The following KCP variants were observed in gnomAD, a reference collection of about 807,000 sequenced individuals.
KCP encodes kielin cysteine rich BMP regulator, also known as kielin/chordin-like protein.
Under a neutral mutation model 212.7 loss-of-function variants are expected in KCP, and 194 were observed. The ratio of observed to expected loss-of-function variants is 0.91; its 90% confidence interval spans 0.81 to 1.03. The LOEUF (loss-of-function observed/expected upper bound fraction) is 1.03. Among genes scored for constraint, KCP ranks in the 50% least tolerant of loss-of-function variants. The probability of loss-of-function intolerance (pLI) is 0.00; values close to 1 mark genes in which losing one functional copy is unlikely to be tolerated. For missense variants in KCP, 2,080 were observed against 2,162.5 expected (o/e 0.96, Z 0.76); for synonymous variants, 833 against 865.3 (o/e 0.96, Z 0.65).
Position 128,904,059 on chromosome 7 carries a change from G to T in KCP, c.651C>A (p.Cys217Ter). Residue 217 changes from cysteine to a stop codon, truncating the protein, a stop_gained, in exon 6 of 40, where the codon TGC (cysteine) becomes TGA (stop). Transcript: ENST00000610776. LOFTEE classifies it high-confidence loss of function. ...SSSNPCLQCT[C>*]LRSRVRCMAL... ...CAGAGGGGACAGGTGGACTCACCAG[G>T]CAGGTGCACTGTAGACAAGGGTTGG... The T allele has an allele frequency of 6.4e-7, 1 of 1,551,502 alleles. No individual in the cohort carries two copies. Among genetic ancestry groups the T allele is most frequent in the Non-Finnish European group, 8.7e-7 (1 of 1,146,798 alleles).
chr7:128,883,145 C>CT (rs550292146), intron 29 of KCP, among the ~76,000 whole-genome samples: 11,247 of 143,330 alleles, frequency 0.078, 506 homozygotes, highest in Middle Eastern at 0.094. Flanking sequence ...TTTTTTCTTT[C>CT]TTTTTTTTTT....
chr7:128,885,976 C>T (rs148809761), intron 26 of KCP, among the ~76,000 whole-genome samples: 5 of 152,294 alleles, frequency 3.3e-5, no homozygotes, highest in Admixed American at 2.0e-4. Flanking sequence ...GCACATGCTA[C>T]CTGCTCACTG....
In KCP at chr7:128,888,990, G is replaced by A. The variant is rs965523631; in HGVS notation, c.2385C>T (p.Asp795=). 7.1e-6 allele frequency: 11 copies of A among 1,539,344 alleles called. No individual in the cohort carries two copies. Among genetic ancestry groups the A allele is most frequent in the Non-Finnish European group, 9.6e-6 (11 of 1,140,000 alleles). Residue 795 remains aspartate, a synonymous_variant, in exon 22 of 40, where the codon GAC becomes GAT. Transcript: ENST00000610776. ...TACACAGGTTGCAGGGTTCTCGGGG[G>A]TCTGGGAACTCCTGGTTACTCAGGT... The part of the protein sequence containing the change: ...ESYLSNQEFP[D]PREPCNLCTC...
At chr7:128,902,699 C>G (rs1039868741) in intron 8 of KCP, 78 bp downstream of exon 8, 2 of 1,317,148 alleles carry the variant, frequency 1.5e-6, no homozygotes, top group Admixed American at 2.0e-5. Flanking sequence ...CTGCGAAGTA[C>G]TCCATAGAAT....
rs960847604 is a variant in KCP, at chr7:128,877,704, A to G, written c.4398T>C (p.Arg1466=). 1.3e-6 allele frequency: 2 copies of G among 1,551,202 alleles called. No homozygotes were observed. Among genetic ancestry groups the G allele is most frequent in the Non-Finnish European group, 1.7e-6 (2 of 1,146,946 alleles). The stretch of plus-strand genomic sequence containing the variant: ...GCACCCCACACCGGGCATTGGCCTC[A>G]CGCCTGGCACGGTAACCTGCTGCCC... ...PCRAAGYRAR[R]EANARCGVLK... The change falls in exon 39 of 40, where the codon CGT becomes CGC. Residue 1466 remains arginine (R), a synonymous_variant. Coordinates refer to ENST00000610776, the MANE Select transcript of KCP (RefSeq NM_001366122.1).
At chr7:128,879,676 C>G in intron 36 of KCP, 42 bp downstream of exon 36, 1 of 1,546,304 alleles carries the variant, frequency 6.5e-7, no homozygotes, top group Non-Finnish European at 8.7e-7. Flanking sequence ...CATGGGTGGA[C>G]AGCACAGGAT....
At position 128,877,028 on chromosome 7, in the gene KCP, A is replaced by G; in HGVS notation, c.*15T>C. 1 of 1,536,172 alleles carries G rather than the reference A, an allele frequency of 6.5e-7. No homozygotes were observed. The highest frequency in any genetic ancestry group is 8.7e-7 in the Non-Finnish European group (1 of 1,143,004). On this transcript the variant is annotated 3_prime_UTR_variant, in exon 40 of 40. Transcript: ENST00000610776. Reference sequence around the variant, plus strand: ...ACTCCTGGCCTGATGAACCCTTATCAGGCACTGTCCTGGCTCAGGGTGTCT... The same window carrying G: ...ACTCCTGGCCTGATGAACCCTTATCGGGCACTGTCCTGGCTCAGGGTGTCT...
Position 128,889,009 on chromosome 7 carries a change from C to T in KCP, c.2366G>A (p.Ser789Asn). 1 of 1,528,860 alleles carries T rather than the reference C, an allele frequency of 6.5e-7. No individual in the cohort carries two copies. Among genetic ancestry groups the T allele is most frequent in the Non-Finnish European group, 8.8e-7 (1 of 1,134,482 alleles). 94.7% of individuals were successfully genotyped at this position (1,528,860 alleles called of 1,614,324 possible). Residue 789 changes from serine (S) to asparagine (N), a missense_variant, in exon 22 of 40, where the codon AGT (serine) becomes AAT (asparagine). Ser to Asn is a conservative substitution (Grantham distance 46). Coordinates refer to ENST00000610776, the MANE Select transcript of KCP (RefSeq NM_001366122.1). ...TCGGGGGTCTGGGAACTCCTGGTTA[C>T]TCAGGTAGGACTCCCCCAGGTACTC... ...GCEYLGESYL[S>N]NQEFPDPREP...
chr7:128,902,652 G>T (rs1794917211), intron 8 of KCP, 125 bp downstream of exon 8: 2 of 853,052 alleles, frequency 2.3e-6, no homozygotes, highest in African/African-American at 1.7e-5. Context: ...AGCAGACAGC[G>T]CCTAGGTCTT....
chr7:128,907,389 T>A lies in KCP; in HGVS notation c.284A>T (p.Gln95Leu). ...CCAGGCACGCCCCAGCCCCCAGCACTGGGGAGATGCAGGGTGGCACTCACA... is the reference window on the plus strand; with the variant it reads ...CCAGGCACGCCCCAGCCCCCAGCACAGGGGAGATGCAGGGTGGCACTCACA... ...ESCECHPASPQCWGLGRAWPE... is the reference protein window; with the variant it reads ...ESCECHPASPLCWGLGRAWPE... The change falls in exon 3 of 40, where the codon CAG becomes CTG. Residue 95 changes from glutamine (Q) to leucine (L), a missense_variant. Coordinates refer to ENST00000610776, the MANE Select transcript of KCP (RefSeq NM_001366122.1). 2.0e-6 allele frequency: 3 copies of A among 1,534,530 alleles called. No homozygotes were observed. Among genetic ancestry groups the A allele is most frequent in the Non-Finnish European group, 2.6e-6 (3 of 1,133,742 alleles).
intron 21 of KCP, 87 bp from the exon 22 acceptor site, chr7:128,889,126 A>G: frequency 1.0e-6 from 1 of 954,356 alleles, no homozygotes. Flanking sequence ...TGGGCCTGTT[A>G]TGCATCCAAG....
chr7:128,881,645 GCTCC>G lies in KCP; in HGVS notation c.3401_3404del (p.Gly1134AlafsTer125). 6.6e-7 allele frequency: 1 copy of G among 1,506,490 alleles called. No individual in the cohort carries two copies. Among genetic ancestry groups the G allele is most frequent in the Non-Finnish European group, 8.8e-7 (1 of 1,133,156 alleles). 93.3% of individuals were successfully genotyped at this position (1,506,490 alleles called of 1,614,324 possible). On this transcript the variant is annotated frameshift_variant, in exon 31 of 40. Coordinates refer to ENST00000610776, the MANE Select transcript of KCP (RefSeq NM_001366122.1). LOFTEE classifies it high-confidence loss of function. ...ACTTACCCCGGCATACGGGGCAGCA[GCTCC>G]CAGGGGGAGTGTGGCGCTCTGAGAG...
intron 28 of KCP, 118 bp from the exon 29 acceptor site, chr7:128,884,240 G>T (rs1793508231): frequency 9.3e-6 from 12 of 1,294,142 alleles, no homozygotes; most frequent in South Asian, 5.8e-5. Context: ...CATGTCTTGG[G>T]CCCTGAACTC....
At chr7:128,879,697 C>T (rs1793198143) in intron 36 of KCP, 21 bp downstream of exon 36, 1 of 1,549,792 alleles carries the variant, frequency 6.5e-7, no homozygotes, top group Non-Finnish European at 8.7e-7. Context: ...CCACCTTCCT[C>T]CACTCCTCGG....
intron 4 of KCP, 102 bp downstream of exon 4, chr7:128,906,999 G>A: frequency 8.7e-7 from 1 of 1,149,412 alleles, no homozygotes; most frequent in Non-Finnish European, 1.2e-6. Context: ...GGAGTGGCAG[G>A]CAGAGCCCAT....
chr7:128,898,248 G>T (rs978655943), intron 8 of KCP, among the ~76,000 whole-genome samples: 12 of 152,080 alleles, frequency 7.9e-5, no homozygotes, highest in Admixed American at 2.6e-4. Context: ...TAGAGATGGG[G>T]TTTCACCATG....
rs1257663843 is a variant in KCP, at chr7:128,881,954, A to T, written c.3307T>A (p.Tyr1103Asn). ...GSELAPPDPC[Y>N]TCQCQDLTWL... ...GGGCTCACCTGGCACTGGCACGTGT[A>T]GCAGGGGTCTGGTGGGGCTAGCTCA... Residue 1103 changes from tyrosine to asparagine, a missense_variant, in exon 30 of 40, where the codon TAC (tyrosine) becomes AAC (asparagine). By Grantham distance (143) the Tyr-to-Asn change is moderately radical. Transcript: ENST00000610776. 9 of 1,551,284 alleles carry T rather than the reference A, an allele frequency of 5.8e-6. No homozygotes were observed. The highest frequency in any genetic ancestry group is 2.0e-5 in the Admixed American group (1 of 50,980).
At chr7:128,886,177 C>T (rs554178795) in intron 26 of KCP, among the ~76,000 whole-genome samples, 83 of 152,306 alleles carry the variant, frequency 5.4e-4, no homozygotes, top group African/African-American at 1.9e-3. Context: ...AAGTGATCCT[C>T]CCACCTTGGC....
At chr7:128,909,399 C>T (rs1048698206) in intron 1 of KCP, among the ~76,000 whole-genome samples, 3 of 152,132 alleles carry the variant, frequency 2.0e-5, no homozygotes, top group African/African-American at 7.2e-5. Flanking sequence ...AGACACTAGG[C>T]CTGTGAGACA....
Sources: gnomAD v4.1 joint callset for allele counts (sites outside exome capture counted in the v4.1 genomes callset) on GRCh38, gnomAD v4.1.1 for gene constraint, MANE v1.5 for transcripts, NCBI Gene and HGNC (gene_info 2026-07-23, HGNC 2026-07-21) for gene names.